The following CNPY1 variants were observed in gnomAD, a reference collection of about 807,000 sequenced individuals.
The protein encoded by CNPY1 is protein canopy homolog 1.
A neutral mutation model predicts 14.4 loss-of-function variants in CNPY1; 14 were observed. The observed-to-expected ratio is 0.97, with a 90% confidence interval of 0.64 to 1.52. CNPY1 has a LOEUF of 1.52. CNPY1 is among the 40% of genes most tolerant of loss of function. The pLI, the probability that CNPY1 is intolerant of heterozygous loss-of-function variation, is 0.00. For missense variants in CNPY1, 129 were observed against 131.5 expected (o/e 0.98, Z 0.09); for synonymous variants, 43 against 46.5 (o/e 0.92, Z 0.31).
At chr7:155,517,385 G>A (rs975591529) in intron 2 of CNPY1, among the ~76,000 whole-genome samples, 1 of 152,228 alleles carries the variant, frequency 6.6e-6, no homozygotes. Context: ...AGCCATGCAA[G>A]AATGAATTTC....
chr7:155,511,712 C>A (rs943194852), intron 2 of CNPY1, among the ~76,000 whole-genome samples: 1 of 152,130 alleles, frequency 6.6e-6, no homozygotes, highest in Non-Finnish European at 1.5e-5. Flanking sequence ...TGTTTGCTGG[C>A]AGCTAGCTCG....
At position 155,534,452 on chromosome 7, in the gene CNPY1, GACAC is replaced by G. The variant is rs1186839392; in HGVS notation, c.99+11375_99+11378del. Among the ~76,000 whole-genome samples the G allele has an allele frequency of 1.1e-4, 17 of 152,234 alleles. 1 individual carries two copies. The highest frequency in any genetic ancestry group is 5.2e-4 in the Admixed American group (8 of 15,294). ...ATGTGCACTTGCATGTGCACACACA[GACAC>G]ACACACACTCGATGCGAACACTTGC... On this transcript the variant is annotated intron_variant, in intron 2 of 4. Transcript: ENST00000636446.
Position 155,508,947 on chromosome 7 carries a change from C to A in CNPY1, c.250G>T (p.Glu84Ter), listed in dbSNP as rs753643682. 3.1e-6 allele frequency: 5 copies of A among 1,613,364 alleles called. No homozygotes were observed. Among genetic ancestry groups the A allele is most frequent in the East Asian group, 4.5e-5 (2 of 44,892 alleles). ...GAATAAAAATACAATTTTTTAAATTCTTGGTATATTTTGTCTCCTTTCCTA... is the reference window on the plus strand; with the variant it reads ...GAATAAAAATACAATTTTTTAAATTATTGGTATATTTTGTCTCCTTTCCTA... Reference protein sequence around the residue: ...APRKGDKIYQEFKKLYFYSDA... With the variant: ...APRKGDKIYQ Residue 84 changes from glutamate (E) to a stop codon, truncating the protein, a stop_gained, in exon 3 of 5, where the codon GAA becomes TAA. Coordinates refer to ENST00000636446, the MANE Select transcript of CNPY1 (RefSeq NM_001393663.1). LOFTEE classifies it high-confidence loss of function.
rs551037192 is a variant in CNPY1 at position 155,543,033 on chromosome 7, C to T, written c.99+2798G>A. Among the ~76,000 whole-genome samples the T allele has an allele frequency of 3.9e-5, 6 of 152,284 alleles. No homozygotes were observed. The South Asian group carries it at 6.2e-4, about 16-fold the overall frequency. Reference sequence around the variant, plus strand: ...GGCTCCCCTTAGGAACTCGGATTCTCGGGGGAACCCGCCTCACCCCTCCCA... The same window carrying T: ...GGCTCCCCTTAGGAACTCGGATTCTTGGGGGAACCCGCCTCACCCCTCCCA... On this transcript the variant is annotated intron_variant, in intron 2 of 4. Transcript: ENST00000636446.
chr7:155,544,754 G>T (rs1006446549), intron 2 of CNPY1, among the ~76,000 whole-genome samples: 22 of 152,330 alleles, frequency 1.4e-4, no homozygotes, highest in African/African-American at 5.1e-4. Context: ...GCCTGCACGG[G>T]GTCCCTCCGG....
In CNPY1 at chr7:155,502,226, C is replaced by A. The variant is rs1425339404; in HGVS notation, c.*842G>T. On this transcript the variant is annotated 3_prime_UTR_variant, in exon 5 of 5. Transcript: ENST00000636446. ...GATAATTTCCCACCAGGTCCCAACT[C>A]TTTTTCCATTCCTGTAGAAGAATGG... The A allele has an allele frequency of 6.6e-6, 1 of 152,046 alleles. No individual in the cohort carries two copies. Among genetic ancestry groups the A allele is most frequent in the Non-Finnish European group, 1.5e-5 (1 of 68,018 alleles). 9.4% of individuals were successfully genotyped at this position (152,046 alleles called of 1,614,324 possible). A position where few individuals can be genotyped will look rare whatever the true frequency, so the allele number is the denominator to read the frequency against.
intron 2 of CNPY1, among the ~76,000 whole-genome samples, chr7:155,531,481 TG>T (rs1233146829): frequency 6.6e-6 from 1 of 152,174 alleles, no homozygotes; most frequent in Non-Finnish European, 1.5e-5. Context: ...TGGCGCAGTC[TG>T]GTGTTGGACG....
At chr7:155,532,448 C>G (rs538548487) in intron 2 of CNPY1, among the ~76,000 whole-genome samples, 1 of 112,302 alleles carries the variant, frequency 8.9e-6, no homozygotes, top group Admixed American at 8.9e-5. Flanking sequence ...TGGTGAAACC[C>G]GTCTCTACTA....
intron 2 of CNPY1, among the ~76,000 whole-genome samples, chr7:155,538,708 C>T (rs1289582759): frequency 6.6e-6 from 1 of 152,192 alleles, no homozygotes; most frequent in Non-Finnish European, 1.5e-5. Flanking sequence ...GGACAAATGT[C>T]CTCCTTGTTA....
chr7:155,511,756 G>A (rs1796537361), intron 2 of CNPY1, among the ~76,000 whole-genome samples: 1 of 152,206 alleles, frequency 6.6e-6, no homozygotes, highest in Admixed American at 6.5e-5. Context: ...TTAAAAACAG[G>A]AAAGGGAAAA....
chr7:155,514,848 C>T (rs1487882310), intron 2 of CNPY1, among the ~76,000 whole-genome samples: 9 of 152,030 alleles, frequency 5.9e-5, no homozygotes, highest in Non-Finnish European at 7.4e-5. Context: ...GAGCCGAGAT[C>T]GCGCCATTGC....
At chr7:155,529,973 G>A (rs139997617) in intron 2 of CNPY1, among the ~76,000 whole-genome samples, 7,753 of 151,952 alleles carry the variant, frequency 0.051, 280 homozygotes, top group Middle Eastern at 0.099. Context: ...TAGTAGAGAC[G>A]GGCTTTACCA....
Position 155,502,036 on chromosome 7 carries a change from A to T in CNPY1, c.*1032T>A, listed in dbSNP as rs1362667366. The stretch of plus-strand genomic sequence containing the variant: ...GGATTTGTAGCATCCTACCCACTTG[A>T]TTGTCACCAAAGACAATGAGAATCT... On this transcript the variant is annotated 3_prime_UTR_variant, in exon 5 of 5. Coordinates refer to ENST00000636446, the MANE Select transcript of CNPY1 (RefSeq NM_001393663.1). The T allele has an allele frequency of 6.6e-6, 1 of 151,746 alleles. No individual in the cohort carries two copies. Among genetic ancestry groups the T allele is most frequent in the Non-Finnish European group, 1.5e-5 (1 of 67,982 alleles). 9.4% of individuals were successfully genotyped at this position (151,746 alleles called of 1,614,324 possible). A position where few individuals can be genotyped will look rare whatever the true frequency, so the allele number is the denominator to read the frequency against.
chr7:155,510,847 T>G (rs1018872555), intron 2 of CNPY1, among the ~76,000 whole-genome samples: 4 of 152,226 alleles, frequency 2.6e-5, no homozygotes, highest in Admixed American at 6.5e-5. Context: ...AACAAATAAT[T>G]AAACACGTAT....
rs796523996 is a variant in CNPY1 at position 155,539,086 on chromosome 7, C to T, written c.99+6745G>A. Among the ~76,000 whole-genome samples the T allele has an allele frequency of 6.0e-4, 92 of 152,322 alleles. 1 individual carries two copies. The highest frequency in any genetic ancestry group is 2.1e-3 in the African/African-American group (86 of 41,564). Reference sequence around the variant, plus strand: ...CCTGCCCAGCTGCGGTCCCTTGGTCCATAGAAAGCGTAGGCCGCTAAGCCA... The same window carrying T: ...CCTGCCCAGCTGCGGTCCCTTGGTCTATAGAAAGCGTAGGCCGCTAAGCCA... On this transcript the variant is annotated intron_variant, in intron 2 of 4. Coordinates refer to ENST00000636446, the MANE Select transcript of CNPY1 (RefSeq NM_001393663.1).
chr7:155,511,161 G>A (rs567450348), intron 2 of CNPY1, among the ~76,000 whole-genome samples: 50 of 152,148 alleles, frequency 3.3e-4, no homozygotes, highest in Non-Finnish European at 6.0e-4. Flanking sequence ...CATCTGAAAA[G>A]TAAACATACT....
chr7:155,530,759 G>A (rs967332832), intron 2 of CNPY1, among the ~76,000 whole-genome samples: 4 of 152,166 alleles, frequency 2.6e-5, no homozygotes, highest in East Asian at 1.9e-4. Context: ...CACTACTGCC[G>A]TGGGGGACCC....
At chr7:155,527,938 AG>A (rs1375417488) in intron 2 of CNPY1, among the ~76,000 whole-genome samples, 1 of 152,200 alleles carries the variant, frequency 6.6e-6, no homozygotes, top group Non-Finnish European at 1.5e-5. Flanking sequence ...GAAGGAGTTC[AG>A]GCTCCTTCCC....
Position 155,536,730 on chromosome 7 carries a change from A to G in CNPY1, c.99+9101T>C, listed in dbSNP as rs1184356807. Among the ~76,000 whole-genome samples the G allele has an allele frequency of 1.3e-5, 2 of 152,210 alleles. No individual in the cohort carries two copies. Among genetic ancestry groups the G allele is most frequent in the Non-Finnish European group, 2.9e-5 (2 of 68,038 alleles). On this transcript the variant is annotated intron_variant, in intron 2 of 4. Coordinates refer to ENST00000636446, the MANE Select transcript of CNPY1 (RefSeq NM_001393663.1). This position sits in a 1 kb window ranked among gnomAD's most constrained non-coding sequence, Gnocchi z 4.1. Reference sequence around the variant, plus strand: ...AAGGGCCTGGGTCCCTGAATGACCAAGTGGAGCAGAGCCCCGTGCCAACCC... The same window carrying G: ...AAGGGCCTGGGTCCCTGAATGACCAGGTGGAGCAGAGCCCCGTGCCAACCC...
Sources: allele counts gnomAD v4.1 joint callset (sites outside exome capture counted in the v4.1 genomes callset), GRCh38; gene constraint gnomAD v4.1.1; non-coding constraint Gnocchi (gnomAD v3.1); transcripts MANE v1.5; gene names NCBI Gene and HGNC (gene_info 2026-07-23, HGNC 2026-07-21).